Variants in PHF24 observed in about 807,000 individuals in gnomAD.
PHF24 encodes PHD finger protein 24.
A neutral mutation model predicts 42.6 loss-of-function variants in PHF24; 25 were observed. The ratio of observed to expected loss-of-function variants is 0.59; its 90% CI spans 0.43 to 0.82. PHF24 has a LOEUF of 0.82. Ranked by LOEUF, PHF24 falls within the 40% of genes least tolerant of loss-of-function variation. The pLI is 0.00. For synonymous variants in PHF24, 185 were observed against 204.8 expected (o/e 0.90, Z 0.83); for missense variants, 470 against 538.1 (o/e 0.87, Z 1.25).
chr9:34,969,231 C>A (rs1826886043), intron 1 of PHF24, among the ~76,000 whole-genome samples: 1 of 152,222 alleles, frequency 6.6e-6, no homozygotes, highest in Admixed American at 6.5e-5. Flanking sequence ...GATAACTCGA[C>A]ACCTGAATGT....
At chr9:34,720,417 A>G in the PHF24 span, among the ~76,000 whole-genome samples, 1 of 147,172 alleles carries the variant, frequency 6.8e-6, no homozygotes, top group African/African-American at 2.5e-5. Flanking sequence ...TGCAGCCCGC[A>G]GTCCGGCCTG....
At chr9:34,710,058 C>T in the PHF24 span, 2 of 1,613,678 alleles carry the variant, frequency 1.2e-6, no homozygotes, top group Non-Finnish European at 1.7e-6. Flanking sequence ...GAGCCAGTGA[C>T]TGAGCCATGT....
Position 34,978,215 on chromosome 9 carries a change from C to T in PHF24, c.*104C>T, listed in dbSNP as rs149975755. 56 of 842,972 alleles carry T rather than the reference C, an allele frequency of 6.6e-5. 1 individual carries two copies. In the East Asian group the frequency reaches 9.4e-4, roughly 14 times the overall value. 52.2% of individuals were successfully genotyped at this position (842,972 alleles called of 1,614,324 possible). ...GGCACAGAGACTCATGGGGTTGGGACACTGCCAGCGTCTTAACTTGTCACT... is the reference window on the plus strand; with the variant it reads ...GGCACAGAGACTCATGGGGTTGGGATACTGCCAGCGTCTTAACTTGTCACT... On this transcript the variant is annotated 3_prime_UTR_variant, in exon 8 of 8. Transcript: ENST00000242315.
At chr9:34,905,012 G>A in the PHF24 span, among the ~76,000 whole-genome samples, 1 of 151,972 alleles carries the variant, frequency 6.6e-6, no homozygotes, top group Non-Finnish European at 1.5e-5. Context: ...GCAGGTGGGA[G>A]TAGGCCAGGT....
At chr9:34,952,931 G>T (rs1038474315), upstream of PHF24, among the ~76,000 whole-genome samples, 2 of 152,106 alleles carry the variant, frequency 1.3e-5, no homozygotes, top group South Asian at 4.1e-4. Flanking sequence ...ACAAAATCAG[G>T]AATTTCAATC....
chr9:34,912,578 T>A, the PHF24 span, among the ~76,000 whole-genome samples: 1 of 152,200 alleles, frequency 6.6e-6, no homozygotes, highest in Non-Finnish European at 1.5e-5. Flanking sequence ...CCATCACCTA[T>A]GTCCCAGACT....
At chr9:34,719,421 G>A in the PHF24 span, among the ~76,000 whole-genome samples, 2 of 152,178 alleles carry the variant, frequency 1.3e-5, no homozygotes, top group African/African-American at 4.8e-5. Context: ...ATAGAAGGTG[G>A]GGTTGTGCTG....
At chr9:34,862,996 C>T in the PHF24 span, among the ~76,000 whole-genome samples, 1 of 151,568 alleles carries the variant, frequency 6.6e-6, no homozygotes, top group African/African-American at 2.4e-5. Context: ...TGTACATCAG[C>T]AATAGCCTGG....
chr9:34,692,874 C>T, the PHF24 span, among the ~76,000 whole-genome samples: 1 of 150,454 alleles, frequency 6.6e-6, no homozygotes, highest in African/African-American at 2.4e-5. Flanking sequence ...GCAACCTCCA[C>T]CTCCTGGGCT....
the PHF24 span, among the ~76,000 whole-genome samples, chr9:34,849,335 G>A: frequency 6.6e-6 from 1 of 152,046 alleles, no homozygotes; most frequent in Non-Finnish European, 1.5e-5. Context: ...TTGTTGAATT[G>A]ATCCCTTTCC....
At chr9:34,777,801 G>A in the PHF24 span, among the ~76,000 whole-genome samples, 2 of 152,162 alleles carry the variant, frequency 1.3e-5, no homozygotes, top group Admixed American at 6.5e-5. Context: ...TGAGGGTGAG[G>A]CAATTTTCTG....
At chr9:34,877,191 G>C in the PHF24 span, among the ~76,000 whole-genome samples, 1 of 150,336 alleles carries the variant, frequency 6.7e-6, no homozygotes, top group South Asian at 2.1e-4. Context: ...TGAGGCAGGA[G>C]AATCTCTTGA....
At chr9:34,831,353 A>G in the PHF24 span, among the ~76,000 whole-genome samples, 2 of 152,202 alleles carry the variant, frequency 1.3e-5, no homozygotes, top group Admixed American at 1.3e-4. Flanking sequence ...AGTAAGGATC[A>G]TGGCAAGGAG....
the PHF24 span, among the ~76,000 whole-genome samples, chr9:34,766,583 A>G: frequency 6.6e-6 from 1 of 152,098 alleles, no homozygotes. Context: ...TGTATTGGTT[A>G]TTCTAGTTAT....
chr9:34,716,248 C>A, the PHF24 span, among the ~76,000 whole-genome samples: 1 of 152,058 alleles, frequency 6.6e-6, no homozygotes, highest in Non-Finnish European at 1.5e-5. Context: ...GTAGCTCTAC[C>A]AAGGGTTAGG....
chr9:34,891,797 C>T, the PHF24 span, among the ~76,000 whole-genome samples: 1 of 152,144 alleles, frequency 6.6e-6, no homozygotes, highest in Admixed American at 6.5e-5. Flanking sequence ...TGTATGATTT[C>T]CTGGATCTAC....
At chr9:34,970,247 T>A (rs750383278) in intron 1 of PHF24, among the ~76,000 whole-genome samples, 1 of 152,204 alleles carries the variant, frequency 6.6e-6, no homozygotes, top group Non-Finnish European at 1.5e-5. Context: ...CACTGTCCAA[T>A]GCTGTGCTCT....
chr9:34,767,356 C>T, the PHF24 span, among the ~76,000 whole-genome samples: 1 of 152,358 alleles, frequency 6.6e-6, no homozygotes, highest in African/African-American at 2.4e-5. Context: ...GTGGGCTCCA[C>T]CCAGTTCGAG....
At chr9:34,825,472 T>C in the PHF24 span, among the ~76,000 whole-genome samples, 1 of 152,020 alleles carries the variant, frequency 6.6e-6, no homozygotes, top group African/African-American at 2.4e-5. Context: ...GAGAGGGTCT[T>C]TGCAGGATGG....
Sources: allele counts gnomAD v4.1 joint callset (sites outside exome capture counted in the v4.1 genomes callset), GRCh38; gene constraint gnomAD v4.1.1; transcripts MANE v1.5; gene names NCBI Gene and HGNC (gene_info 2026-07-23, HGNC 2026-07-21).